FOXP1: variants seen among roughly 807,000 people sequenced by gnomAD.
FOXP1 encodes forkhead box protein P1.
FOXP1 carries 15 observed loss-of-function variants against 98.2 expected under a neutral mutation model. That is an observed-to-expected ratio of 0.15 (90% CI 0.10 to 0.24). FOXP1 has a LOEUF of 0.24. Among genes scored for constraint, FOXP1 ranks in the 10% least tolerant of loss-of-function variants. The pLI, the probability that FOXP1 is intolerant of heterozygous loss-of-function variation, is 1.00. For synonymous variants in FOXP1, 371 were observed against 314.5 expected, an observed-to-expected ratio of 1.18 and a Z score of -1.90; for missense variants, 633 against 848.5, an observed-to-expected ratio of 0.75 and a Z score of 3.15.
At chr3:71,544,739 C>T (rs150449335) in intron 2 of FOXP1, among the ~76,000 whole-genome samples, 75 of 152,188 alleles carry the variant, frequency 4.9e-4, no homozygotes, top group African/African-American at 1.6e-3. Context: ...AAGACCAAAT[C>T]GTCATGTATT....
chr3:70,966,415 G>C (rs1266194848), intron 19 of FOXP1: 2 of 324,034 alleles, frequency 6.2e-6, no homozygotes, highest in Admixed American at 4.1e-5. Flanking sequence ...AAATATAATA[G>C]AATTTTTATT....
intron 5 of FOXP1, among the ~76,000 whole-genome samples, chr3:71,201,311 G>A (rs1454464552): frequency 6.6e-6 from 1 of 152,158 alleles, no homozygotes; most frequent in Admixed American, 6.5e-5. Context: ...TTCCCTGGGC[G>A]TTTCAGTCTC....
intron 7 of FOXP1, among the ~76,000 whole-genome samples, chr3:71,067,933 A>AT (rs2052737626): frequency 7.5e-6 from 1 of 133,666 alleles, no homozygotes; most frequent in South Asian, 3.2e-4. Flanking sequence ...AAAAAATAAA[A>AT]TAAAAAAAAA....
At position 71,414,115 on chromosome 3, in the gene FOXP1, T is replaced by C. The variant is rs140499580; in HGVS notation, c.-167-54871A>G. On this transcript the variant is annotated intron_variant, in intron 3 of 20. Coordinates refer to ENST00000649528, the MANE Select transcript of FOXP1 (RefSeq NM_001349338.3). Reference sequence around the variant, plus strand: ...AAGCCACCGAGAAGCACCCCAACTCTCGGTCTTGCCGGCCATCCAAATTGT... The same window carrying C: ...AAGCCACCGAGAAGCACCCCAACTCCCGGTCTTGCCGGCCATCCAAATTGT... Among the ~76,000 whole-genome samples the C allele has an allele frequency of 5.3e-3, 803 of 151,738 alleles. 7 individuals are homozygous for C. Among genetic ancestry groups the C allele is most frequent in the Admixed American group, 0.011 (163 of 15,206 alleles).
chr3:71,533,646 A>G (rs928258833), intron 2 of FOXP1, among the ~76,000 whole-genome samples: 1 of 151,358 alleles, frequency 6.6e-6, no homozygotes, highest in African/African-American at 2.4e-5. Context: ...CCTTCCCCTC[A>G]CTCTTTAATT....
intron 5 of FOXP1, among the ~76,000 whole-genome samples, chr3:71,259,966 G>A (rs919574093): frequency 1.3e-5 from 2 of 152,012 alleles, no homozygotes; most frequent in African/African-American, 4.8e-5. Context: ...GGGCAGCAGG[G>A]AACTAACCAG....
At chr3:71,041,606 A>G in intron 10 of FOXP1, 74 bp from the exon 11 acceptor site, 1 of 1,437,922 alleles carries the variant, frequency 7.0e-7, no homozygotes, top group South Asian at 1.2e-5. Flanking sequence ...ATTAAATCAA[A>G]GAGTCAGTAA....
rs1388728008 is a variant in FOXP1, at chr3:70,956,442, TTAGAC to T, written c.*2800_*2804del. ...TTTTTTTTTTTTTTTGCTACAGTCT[TTAGAC>T]TAAGCATGCAAGACATACGACTAAG... On this transcript the variant is annotated 3_prime_UTR_variant, in exon 21 of 21. Coordinates refer to ENST00000649528, the MANE Select transcript of FOXP1 (RefSeq NM_001349338.3). 3 of 230,248 alleles carry T rather than the reference TTAGAC, an allele frequency of 1.3e-5. No individual in the cohort carries two copies. The highest frequency in any genetic ancestry group is 4.4e-5 in the African/African-American group (2 of 45,062). 14.3% of individuals were successfully genotyped at this position (230,248 alleles called of 1,614,324 possible). A position where few individuals can be genotyped will look rare whatever the true frequency, so the allele number is the denominator to read the frequency against.
chr3:71,401,979 C>T (rs1027306076), intron 3 of FOXP1, among the ~76,000 whole-genome samples: 1 of 152,152 alleles, frequency 6.6e-6, no homozygotes, highest in Admixed American at 6.5e-5. Context: ...CTACTCCTCA[C>T]CAGGCTATAA....
chr3:71,220,708 G>A (rs147529729), intron 5 of FOXP1, among the ~76,000 whole-genome samples: 236 of 151,712 alleles, frequency 1.6e-3, no homozygotes, highest in African/African-American at 5.4e-3. Context: ...AGCCGAGATC[G>A]CACCACTGCG....
At chr3:71,322,682 T>C (rs1051347485) in intron 4 of FOXP1, among the ~76,000 whole-genome samples, 3 of 152,064 alleles carry the variant, frequency 2.0e-5, no homozygotes, top group African/African-American at 7.2e-5. Context: ...TGGAATTATA[T>C]GGGGGAGCAG....
At chr3:71,372,242 G>A (rs892777064) in intron 3 of FOXP1, among the ~76,000 whole-genome samples, 2 of 149,316 alleles carry the variant, frequency 1.3e-5, no homozygotes, top group Admixed American at 6.7e-5. Flanking sequence ...AGGTGGTCTC[G>A]AACTCCTGAC....
chr3:71,266,932 T>G (rs2069734143), intron 5 of FOXP1, among the ~76,000 whole-genome samples: 1 of 152,216 alleles, frequency 6.6e-6, no homozygotes, highest in East Asian at 1.9e-4. Flanking sequence ...GTTTTGGACT[T>G]TCAATGCTCT....
chr3:71,244,398 G>C (rs1407614027), intron 5 of FOXP1, among the ~76,000 whole-genome samples: 1 of 150,544 alleles, frequency 6.6e-6, no homozygotes, highest in African/African-American at 2.4e-5. Context: ...CCCTCCCCCC[G>C]AAGCACAGAG....
chr3:71,287,177 A>G (rs1212486296), intron 5 of FOXP1, among the ~76,000 whole-genome samples: 1 of 152,220 alleles, frequency 6.6e-6, no homozygotes, highest in African/African-American at 2.4e-5. Flanking sequence ...AATATGCCAT[A>G]TATAAGAAAT....
chr3:71,182,514 G>A (rs905487612), intron 6 of FOXP1, among the ~76,000 whole-genome samples: 4 of 147,928 alleles, frequency 2.7e-5, no homozygotes, highest in Non-Finnish European at 6.0e-5. Context: ...GTGTGTGTGT[G>A]TGTGTGTGTG....
intron 3 of FOXP1, among the ~76,000 whole-genome samples, chr3:71,482,203 C>T (rs912665552): frequency 4.6e-5 from 7 of 152,084 alleles, no homozygotes; most frequent in African/African-American, 1.7e-4. Context: ...GGCTTTGCTG[C>T]ACCCAGGTAC....
At chr3:71,581,931 G>A (rs2048205151) in intron 1 of FOXP1, 1 of 984,046 alleles carries the variant, frequency 1.0e-6, no homozygotes, top group Non-Finnish European at 1.2e-6. Context: ...ACCTTCCCCA[G>A]GATCTCACAA....
At chr3:71,085,499 T>C (rs901478887) in intron 7 of FOXP1, among the ~76,000 whole-genome samples, 9 of 151,892 alleles carry the variant, frequency 5.9e-5, no homozygotes, top group Non-Finnish European at 1.3e-4. Flanking sequence ...TATCCCAAAG[T>C]TTCATTTATT....
Sources: gnomAD v4.1 joint callset for allele counts (sites outside exome capture counted in the v4.1 genomes callset) on GRCh38, gnomAD v4.1.1 for gene constraint, MANE v1.5 for transcripts, NCBI Gene and HGNC (gene_info 2026-07-23, HGNC 2026-07-21) for gene names.